Variants in EML5 observed in about 807,000 individuals in gnomAD.
The protein encoded by EML5 is echinoderm microtubule-associated protein-like 5.
In EML5, 120 loss-of-function variants were observed where a neutral mutation model predicts 250.0. The observed-to-expected ratio is 0.48, with a 90% CI of 0.41 to 0.56. The LOEUF (loss-of-function observed/expected upper bound fraction) is 0.56. Among genes scored for constraint, EML5 ranks in the 20% least tolerant of loss-of-function variants. The pLI, the probability that EML5 is intolerant of heterozygous loss-of-function variation, is 0.00. For missense variants in EML5, 2,006 were observed against 2,437.6 expected, an observed-to-expected ratio of 0.82 and a Z score of 3.73; for synonymous variants, 771 against 806.5, an observed-to-expected ratio of 0.96 and a Z score of 0.75.
intron 39 of EML5, 96 bp from the exon 40 acceptor site, chr14:88,618,908 G>T: frequency 8.1e-7 from 1 of 1,239,654 alleles, no homozygotes; most frequent in Non-Finnish European, 1.1e-6. Flanking sequence ...TAAAAGTAAC[G>T]TGTGATAAGG....
At chr14:88,684,739 AT>A (rs1378735359) in intron 20 of EML5, among the ~76,000 whole-genome samples, 1 of 152,114 alleles carries the variant, frequency 6.6e-6, no homozygotes, top group East Asian at 1.9e-4. Context: ...ATAGAAGAAT[AT>A]GTATATTTAC....
At chr14:88,670,027 A>G (rs1347057434) in intron 21 of EML5, among the ~76,000 whole-genome samples, 1 of 152,104 alleles carries the variant, frequency 6.6e-6, no homozygotes, top group African/African-American at 2.4e-5. Flanking sequence ...CTGTTAAAAG[A>G]AAAACAGGCC....
At chr14:88,732,865 C>G (rs2062185709) in intron 7 of EML5, among the ~76,000 whole-genome samples, 3 of 152,136 alleles carry the variant, frequency 2.0e-5, no homozygotes. Context: ...GGCTGGAGTG[C>G]AGTGGCGCGA....
At chr14:88,700,308 A>T (rs28477284) in intron 14 of EML5, among the ~76,000 whole-genome samples, 19,402 of 151,770 alleles carry the variant, frequency 0.13, 1,430 homozygotes, top group African/African-American at 0.19. Context: ...CTTTTTTTTT[A>T]AATTGTTTTA....
intron 17 of EML5, among the ~76,000 whole-genome samples, chr14:88,691,836 C>G (rs1320745566): frequency 6.6e-6 from 1 of 152,172 alleles, no homozygotes; most frequent in Non-Finnish European, 1.5e-5. Flanking sequence ...AAATGCTCAC[C>G]AAAGCCTTAA....
intron 21 of EML5, among the ~76,000 whole-genome samples, chr14:88,671,867 A>T (rs1170623187): frequency 6.6e-6 from 1 of 152,208 alleles, no homozygotes; most frequent in African/African-American, 2.4e-5. Flanking sequence ...CTAAATATAC[A>T]TGCACCCAGT....
intron 4 of EML5, 111 bp from the exon 5 acceptor site, chr14:88,740,683 A>C: frequency 7.5e-6 from 7 of 930,840 alleles, no homozygotes; most frequent in Non-Finnish European, 4.7e-6. Flanking sequence ...ATTAACTAAG[A>C]AATTGCCTTA....
intron 8 of EML5, among the ~76,000 whole-genome samples, chr14:88,720,341 A>C (rs2093570827): frequency 6.6e-6 from 1 of 152,178 alleles, no homozygotes; most frequent in Non-Finnish European, 1.5e-5. Context: ...AAAAAACTTC[A>C]GGCCAGTATC....
chr14:88,713,619 ATTTTTTT>A (rs71130004), intron 9 of EML5, among the ~76,000 whole-genome samples: 1 of 130,228 alleles, frequency 7.7e-6, no homozygotes, highest in Non-Finnish European at 1.6e-5. Flanking sequence ...CAACCTGCTC[ATTTTTTT>A]TTTTTTTTTT....
intron 1 of EML5, among the ~76,000 whole-genome samples, chr14:88,790,464 T>C (rs915681943): frequency 6.6e-6 from 1 of 152,228 alleles, no homozygotes; most frequent in Non-Finnish European, 1.5e-5. Context: ...CGGTGTGACA[T>C]ATAACACAGC....
intron 21 of EML5, among the ~76,000 whole-genome samples, chr14:88,677,268 G>A (rs141829923): frequency 0.014 from 2,156 of 152,088 alleles, 51 homozygotes; most frequent in African/African-American, 0.05. Context: ...AATTGAAGCT[G>A]GACCCCTTCC....
At chr14:88,690,392 A>C (rs1213566247) in intron 17 of EML5, among the ~76,000 whole-genome samples, 1 of 152,240 alleles carries the variant, frequency 6.6e-6, no homozygotes, top group Non-Finnish European at 1.5e-5. Flanking sequence ...CATCTGGGCA[A>C]ATGGTAAATG....
intron 14 of EML5, among the ~76,000 whole-genome samples, chr14:88,697,821 C>T (rs2093114651): frequency 6.6e-6 from 1 of 152,042 alleles, no homozygotes; most frequent in Admixed American, 6.6e-5. Context: ...CCGCAACCTC[C>T]ACCTCCTGGG....
intron 1 of EML5, among the ~76,000 whole-genome samples, chr14:88,768,298 T>C (rs773046662): frequency 1.3e-5 from 2 of 152,212 alleles, no homozygotes; most frequent in Admixed American, 6.5e-5. Flanking sequence ...CTAGGGGAGA[T>C]ACTGTGAGAC....
chr14:88,769,859 G>T (rs1351800136), intron 1 of EML5, among the ~76,000 whole-genome samples: 1 of 152,002 alleles, frequency 6.6e-6, no homozygotes, highest in African/African-American at 2.4e-5. Context: ...TGAGAAACTA[G>T]GCTCTCATAA....
rs565125953 is a variant in EML5 at position 88,714,981 on chromosome 14, T to C, written c.1402A>G (p.Thr468Ala). Residue 468 changes from threonine to alanine, a missense_variant, in exon 9 of 44, where the codon ACA becomes GCA. By Grantham distance (58) the Thr-to-Ala change is moderately conservative (BLOSUM62 0). Transcript: ENST00000554922. ...AGTCTTTTCCCATTTCCATCATTTG[T>C]CTGCAAATATCTACTGTCTGAAGAC... The part of the protein sequence containing the change: ...DWSSDSRYLQ[T>A]NDGNGKRLFY... 21 of 1,612,880 alleles carry C rather than the reference T, an allele frequency of 1.3e-5. No homozygotes were observed. The highest frequency in any genetic ancestry group is 8.4e-5 in the Admixed American group (5 of 59,874).
chr14:88,670,754 A>G (rs2092440756), intron 21 of EML5, among the ~76,000 whole-genome samples: 1 of 152,200 alleles, frequency 6.6e-6, no homozygotes, highest in East Asian at 1.9e-4. Flanking sequence ...AAACACAACC[A>G]AGAATGTTAC....
At chr14:88,719,766 A>G (rs893606204) in intron 8 of EML5, among the ~76,000 whole-genome samples, 2 of 152,176 alleles carry the variant, frequency 1.3e-5, no homozygotes, top group African/African-American at 2.4e-5. Flanking sequence ...AGAAATACCA[A>G]TTTGAATCAT....
chr14:88,630,305 C>T (rs550437123), intron 33 of EML5, among the ~76,000 whole-genome samples: 27 of 152,252 alleles, frequency 1.8e-4, no homozygotes, highest in African/African-American at 4.3e-4. Context: ...GCTAGGATTA[C>T]AGGCATGAGC....
Sources: gnomAD v4.1 joint callset for allele counts (sites outside exome capture counted in the v4.1 genomes callset) on GRCh38, gnomAD v4.1.1 for gene constraint, MANE v1.5 for transcripts, NCBI Gene and HGNC (gene_info 2026-07-23, HGNC 2026-07-21) for gene names.